The following MCCC1 variants were observed in gnomAD, a reference collection of about 807,000 sequenced individuals.
The protein encoded by MCCC1 is methylcrotonoyl-CoA carboxylase subunit alpha, mitochondrial.
In MCCC1, 64 loss-of-function variants were observed where a neutral mutation model predicts 83.8. The observed-to-expected ratio is 0.76, with a 90% confidence interval of 0.62 to 0.94. The LOEUF is 0.94. Ranked by LOEUF, MCCC1 falls within the 40% of genes least tolerant of loss-of-function variation. MCCC1 has a pLI of 0.00. For synonymous variants in MCCC1, 322 were observed against 315.4 expected (o/e 1.02, Z -0.22); for missense variants, 807 against 904.7 (o/e 0.89, Z 1.39).
At chr3:183,103,917 GA>G (rs1719363766), upstream of MCCC1, among the ~76,000 whole-genome samples, 1 of 152,204 alleles carries the variant, frequency 6.6e-6, no homozygotes, top group Non-Finnish European at 1.5e-5. Context: ...GGCCCGGCGA[GA>G]AATCCAGCGC....
chr3:183,053,242 G>A (rs944317544), intron 8 of MCCC1, among the ~76,000 whole-genome samples: 4 of 151,838 alleles, frequency 2.6e-5, no homozygotes, highest in Admixed American at 6.6e-5. Context: ...AGGCCGAGAC[G>A]GGTGAAGCAC....
intron 1 of MCCC1, among the ~76,000 whole-genome samples, chr3:183,106,081 T>TAAAAAAAAAAAAAAAAAAA (rs563718218): frequency 2.3e-4 from 23 of 101,070 alleles, no homozygotes; most frequent in African/African-American, 7.6e-4. Flanking sequence ...AGAGAGTCCG[T>TAAAAAAAAAAAAAAAAAAA]AAAAAAAAAA....
At chr3:183,050,684 A>T (rs1469595698) in intron 9 of MCCC1, among the ~76,000 whole-genome samples, 1 of 141,654 alleles carries the variant, frequency 7.1e-6, no homozygotes, top group Non-Finnish European at 1.5e-5. Context: ...CCAGCCTGGG[A>T]GACAGAGTGA....
chr3:183,086,310 T>A (rs992214170), intron 4 of MCCC1, among the ~76,000 whole-genome samples: 1 of 152,220 alleles, frequency 6.6e-6, no homozygotes, highest in African/African-American at 2.4e-5. Flanking sequence ...GGCCCTAGAA[T>A]GAGACTGGGA....
At chr3:183,093,962 A>G (rs1339483693) in intron 2 of MCCC1, among the ~76,000 whole-genome samples, 1 of 152,180 alleles carries the variant, frequency 6.6e-6, no homozygotes, top group African/African-American at 2.4e-5. Flanking sequence ...AATCCAATAC[A>G]CTAAGAGGGT....
chr3:183,038,080 G>T (rs1405552308), intron 12 of MCCC1, among the ~76,000 whole-genome samples: 2 of 152,140 alleles, frequency 1.3e-5, no homozygotes, highest in Non-Finnish European at 2.9e-5. Flanking sequence ...TTAAGTGCCA[G>T]GCTCTGATCC....
At chr3:183,094,342 C>A (rs1718586000) in intron 2 of MCCC1, among the ~76,000 whole-genome samples, 1 of 152,278 alleles carries the variant, frequency 6.6e-6, no homozygotes, top group South Asian at 2.1e-4. Flanking sequence ...AGCCACTGCG[C>A]CCGGCTGCCC....
At chr3:183,099,036 T>G (rs1718948726) in intron 1 of MCCC1, 1 of 523,738 alleles carries the variant, frequency 1.9e-6, no homozygotes, top group South Asian at 2.2e-5. Context: ...GAAAGCCCGA[T>G]GTAAACGGCT....
chr3:183,066,077 T>C (rs1716235677), intron 7 of MCCC1, among the ~76,000 whole-genome samples: 1 of 152,214 alleles, frequency 6.6e-6, no homozygotes, highest in South Asian at 2.1e-4. Context: ...GCTATATTTA[T>C]ATAAATATGT....
chr3:183,110,955 G>A (rs1432768546), intron 1 of MCCC1, among the ~76,000 whole-genome samples: 2 of 152,114 alleles, frequency 1.3e-5, no homozygotes, highest in Non-Finnish European at 2.9e-5. Flanking sequence ...TTGTAGGTAT[G>A]CAGCTTTATT....
chr3:183,082,940 T>C (rs771819973), intron 4 of MCCC1, among the ~76,000 whole-genome samples: 2 of 151,840 alleles, frequency 1.3e-5, no homozygotes, highest in South Asian at 2.1e-4. Flanking sequence ...CAGTGAGCCA[T>C]GATCATACCA....
intron 16 of MCCC1, among the ~76,000 whole-genome samples, chr3:183,020,562 T>TAG (rs966073260): frequency 9.3e-5 from 14 of 150,994 alleles, no homozygotes; most frequent in African/African-American, 3.4e-4. Context: ...GCCTGGGAGG[T>TAG]AGAGGCTGCA....
intron 8 of MCCC1, among the ~76,000 whole-genome samples, chr3:183,054,622 T>C (rs1715275367): frequency 6.6e-6 from 1 of 152,240 alleles, no homozygotes; most frequent in Non-Finnish European, 1.5e-5. Context: ...GCTAATTTAT[T>C]AAATAAAAAT....
chr3:183,019,108 G>T (rs772018684), intron 17 of MCCC1, among the ~76,000 whole-genome samples: 2 of 152,160 alleles, frequency 1.3e-5, no homozygotes, highest in Non-Finnish European at 2.9e-5. Context: ...ATTTCCAAAC[G>T]AGAATAGTGG....
chr3:183,070,487 C>G (rs1716580130), intron 7 of MCCC1, among the ~76,000 whole-genome samples: 2 of 152,194 alleles, frequency 1.3e-5, no homozygotes, highest in African/African-American at 4.8e-5. Context: ...GTAATCCCAG[C>G]ACTTTGGGAG....
intron 12 of MCCC1, among the ~76,000 whole-genome samples, chr3:183,037,788 A>G (rs1167855673): frequency 1.3e-5 from 2 of 152,208 alleles, no homozygotes; most frequent in Non-Finnish European, 2.9e-5. Flanking sequence ...CAAGGTATCG[A>G]AGACTTGCTG....
At chr3:183,016,860 ACTGATGCCTGGCATCCTTGGTTCGG>A (rs962332916) in intron 18 of MCCC1, among the ~76,000 whole-genome samples, 6 of 152,228 alleles carry the variant, frequency 3.9e-5, no homozygotes, top group African/African-American at 1.4e-4. Flanking sequence ...TCACTTTGAA[ACTGATGCCTGGCATCCTTGGTTCGG>A]CCTTAGAACC....
chr3:183,078,652 C>G (rs1410689131), intron 4 of MCCC1, among the ~76,000 whole-genome samples: 1 of 152,054 alleles, frequency 6.6e-6, no homozygotes, highest in Non-Finnish European at 1.5e-5. Context: ...TAACTGTTTC[C>G]TTAATTTCAT....
chr3:183,110,815 G>T (rs1033675400), intron 1 of MCCC1, among the ~76,000 whole-genome samples: 1 of 152,154 alleles, frequency 6.6e-6, no homozygotes, highest in Non-Finnish European at 1.5e-5. Context: ...TAATTTTTGT[G>T]TATGGAGAAA....
Sources: gnomAD v4.1 joint callset for allele counts (sites outside exome capture counted in the v4.1 genomes callset) on GRCh38, gnomAD v4.1.1 for gene constraint, MANE v1.5 for transcripts, NCBI Gene and HGNC (gene_info 2026-07-23, HGNC 2026-07-21) for gene names.